ARHGAP35: variants seen among roughly 807,000 people sequenced by gnomAD.
ARHGAP35 encodes rho GTPase-activating protein 35.
In ARHGAP35, 15 loss-of-function variants were observed where a neutral mutation model predicts 111.1. The observed-to-expected ratio is 0.13, with a 90% CI of 0.09 to 0.21. The LOEUF is 0.21. Ranked by LOEUF, ARHGAP35 falls within the 10% of genes least tolerant of loss-of-function variation. The pLI, the probability that ARHGAP35 is intolerant of heterozygous loss-of-function variation, is 1.00. For missense variants in ARHGAP35, 1,262 were observed against 1,873.0 expected (o/e 0.67, Z 6.02); for synonymous variants, 643 against 710.3 (o/e 0.91, Z 1.51).
At chr19:46,872,406 G>C (rs2122121796) in intron 1 of ARHGAP35, among the ~76,000 whole-genome samples, 1 of 151,268 alleles carries the variant, frequency 6.6e-6, no homozygotes, top group Non-Finnish European at 1.5e-5. Context: ...TCTGATTCAG[G>C]GAAAAAAAGA....
intron 1 of ARHGAP35, among the ~76,000 whole-genome samples, chr19:46,915,904 T>C (rs1397215830): frequency 6.6e-6 from 1 of 151,564 alleles, no homozygotes; most frequent in Non-Finnish European, 1.5e-5. Flanking sequence ...TGGTTCCCCA[T>C]AGCCTTCAGG....
chr19:46,944,163 G>A (rs937345541), intron 3 of ARHGAP35, among the ~76,000 whole-genome samples: 62 of 151,976 alleles, frequency 4.1e-4, no homozygotes, highest in Non-Finnish European at 4.6e-4. Flanking sequence ...AGCCATACAT[G>A]ATGGTCCATG....
At position 46,922,501 on chromosome 19, in the gene ARHGAP35, G is replaced by T; in HGVS notation, c.3681+145G>T. The T allele has an allele frequency of 1.3e-6, 1 of 746,940 alleles. No individual in the cohort carries two copies. 46.3% of individuals were successfully genotyped at this position (746,940 alleles called of 1,614,324 possible). A position where few individuals can be genotyped will look rare whatever the true frequency, so the allele number is the denominator to read the frequency against. On this transcript the variant is annotated intron_variant, in intron 2 of 6. Coordinates refer to ENST00000672722, the MANE Select transcript of ARHGAP35 (RefSeq NM_004491.5). This position sits in a 1 kb window ranked among gnomAD's most constrained non-coding sequence, Gnocchi z 4.0. ...ATTTGACTTAACATAAAAAAGCAGT[G>T]CCTCAATTAGCTACCATTATTGGCA...
intron 1 of ARHGAP35, among the ~76,000 whole-genome samples, chr19:46,883,200 T>C (rs569927915): frequency 2.0e-5 from 3 of 152,038 alleles, no homozygotes; most frequent in Non-Finnish European, 2.9e-5. Context: ...GTTCAAGCGA[T>C]CCTCCTGCCT....
rs574092629 is a variant in ARHGAP35, at chr19:46,920,763, C to T, written c.2088C>T (p.Leu696=). The T allele has an allele frequency of 2.1e-5, 34 of 1,609,280 alleles. No homozygotes were observed. The Middle Eastern group carries it at 6.6e-4, about 31-fold the overall frequency. ...LGRRDNHLVH[L]PLTLILVNKR... Reference sequence around the variant, plus strand: ...GGCGGGATAATCATTTAGTCCATCTCCCCCTTACATTAATTTTGGTTAACA... The same window carrying T: ...GGCGGGATAATCATTTAGTCCATCTTCCCCTTACATTAATTTTGGTTAACA... The change falls in exon 2 of 7, where the codon CTC becomes CTT. Residue 696 remains leucine, a synonymous_variant. Coordinates refer to ENST00000672722, the MANE Select transcript of ARHGAP35 (RefSeq NM_004491.5). This position sits in a 1 kb window ranked among gnomAD's most constrained non-coding sequence, Gnocchi z 7.0.
intron 3 of ARHGAP35, chr19:46,947,396 A>G (rs1283058244): frequency 2.0e-5 from 3 of 152,200 alleles, no homozygotes; most frequent in Admixed American, 6.5e-5. Flanking sequence ...ATATGGAGCA[A>G]TTAGAATCCT....
chr19:46,888,075 C>G (rs1599799825), intron 1 of ARHGAP35, among the ~76,000 whole-genome samples: 2 of 150,362 alleles, frequency 1.3e-5, no homozygotes, highest in Non-Finnish European at 3.0e-5. Context: ...CCTCAGCCTC[C>G]TGAGTAGCTG....
chr19:46,960,780 T>A (rs918535939), intron 3 of ARHGAP35, among the ~76,000 whole-genome samples: 1 of 152,222 alleles, frequency 6.6e-6, no homozygotes, highest in African/African-American at 2.4e-5. Context: ...CCATGCTGAA[T>A]GTGCTGTTCT....
intron 1 of ARHGAP35, among the ~76,000 whole-genome samples, chr19:46,912,529 ATT>A: frequency 6.7e-6 from 1 of 149,828 alleles, no homozygotes; most frequent in East Asian, 2.0e-4. Context: ...AATTTTTTGT[ATT>A]TTTTTTAGTA....
chr19:46,952,969 C>G (rs1330435244), intron 3 of ARHGAP35, among the ~76,000 whole-genome samples: 1 of 152,210 alleles, frequency 6.6e-6, no homozygotes, highest in East Asian at 1.9e-4. Context: ...CATGAGCCAC[C>G]ATGCCTGGCC....
At position 47,001,405 on chromosome 19, in the gene ARHGAP35, T is replaced by A. The variant is rs2056747841; in HGVS notation, c.*717T>A. 7.8e-7 allele frequency: 1 copy of A among 1,286,032 alleles called. No individual in the cohort carries two copies. Among genetic ancestry groups the A allele is most frequent in the East Asian group, 5.6e-5 (1 of 18,010 alleles). 79.7% of individuals were successfully genotyped at this position (1,286,032 alleles called of 1,614,324 possible). On this transcript the variant is annotated 3_prime_UTR_variant, in exon 7 of 7. Transcript: ENST00000672722. The surrounding 1 kb of genome is among the most constrained non-coding windows in gnomAD (Gnocchi z 5.4). ...AAAAATGGAAAAACCCTTCCAGTAATTAAAAAGGAAGAAACCACAGAAAGA... is the reference window on the plus strand; with the variant it reads ...AAAAATGGAAAAACCCTTCCAGTAAATAAAAAGGAAGAAACCACAGAAAGA...
chr19:46,940,152 G>T (rs1039821133), intron 3 of ARHGAP35, among the ~76,000 whole-genome samples: 1 of 151,958 alleles, frequency 6.6e-6, no homozygotes, highest in Non-Finnish European at 1.5e-5. Flanking sequence ...GGAAGATCAG[G>T]AATTCGATAC....
In ARHGAP35 at chr19:46,926,934, C is replaced by G. The variant is rs2056241943; in HGVS notation, c.3681+4578C>G. 6.6e-6 allele frequency among the ~76,000 whole-genome samples: 1 copy of G among 152,134 alleles called. No homozygotes were observed. The highest frequency in any genetic ancestry group is 1.5e-5 in the Non-Finnish European group (1 of 68,026). On this transcript the variant is annotated intron_variant, in intron 2 of 6. Transcript: ENST00000672722. This position sits in a 1 kb window ranked among gnomAD's most constrained non-coding sequence, Gnocchi z 4.1. Reference sequence around the variant, plus strand: ...GCTGGGGAATTGGACTGCTTGCTCCCCTGGGAGGGATGTTGAGTTTTGACA... The same window carrying G: ...GCTGGGGAATTGGACTGCTTGCTCCGCTGGGAGGGATGTTGAGTTTTGACA...
intron 1 of ARHGAP35, among the ~76,000 whole-genome samples, chr19:46,913,405 C>G (rs2056148220): frequency 6.6e-6 from 1 of 151,798 alleles, no homozygotes; most frequent in Non-Finnish European, 1.5e-5. Context: ...AAAATGTGTG[C>G]TATCTTGGGA....
At position 46,938,035 on chromosome 19, in the gene ARHGAP35, A is replaced by G. The variant is rs1599833562; in HGVS notation, c.3826+627A>G. Among the ~76,000 whole-genome samples, 8 of 152,252 alleles carry G rather than the reference A, an allele frequency of 5.3e-5. No individual in the cohort carries two copies. In the South Asian group the frequency reaches 1.7e-3, roughly 32 times the overall value. ...ATTAAGTTTTACTTGTGTTGAAACC[A>G]TTTGCTTTATTCATTTGAGCTCTCA... On this transcript the variant is annotated intron_variant, in intron 3 of 6. Coordinates refer to ENST00000672722, the MANE Select transcript of ARHGAP35 (RefSeq NM_004491.5).
chr19:46,915,927 CTCTTT>C (rs2056159787), intron 1 of ARHGAP35, among the ~76,000 whole-genome samples: 1 of 144,314 alleles, frequency 6.9e-6, no homozygotes, highest in Non-Finnish European at 1.5e-5. Context: ...GGAATCCAAA[CTCTTT>C]TTTTTTTTTT....
At chr19:46,916,224 G>T (rs1410004708) in intron 1 of ARHGAP35, among the ~76,000 whole-genome samples, 1 of 151,998 alleles carries the variant, frequency 6.6e-6, no homozygotes, top group Non-Finnish European at 1.5e-5. Flanking sequence ...GTGAGCCACC[G>T]CGCCCAGCGA....
At chr19:46,902,936 T>C (rs1277021208) in intron 1 of ARHGAP35, among the ~76,000 whole-genome samples, 2 of 152,208 alleles carry the variant, frequency 1.3e-5, no homozygotes, top group Non-Finnish European at 2.9e-5. Context: ...ACTAAAGGGT[T>C]GGTGTGTATG....
At chr19:46,973,838 C>T (rs778242000) in intron 3 of ARHGAP35, among the ~76,000 whole-genome samples, 6 of 152,022 alleles carry the variant, frequency 3.9e-5, no homozygotes, top group Non-Finnish European at 7.4e-5. Context: ...CCCATCTCTA[C>T]TAAAAATACA....
Sources: allele counts gnomAD v4.1 joint callset (sites outside exome capture counted in the v4.1 genomes callset), GRCh38; gene constraint gnomAD v4.1.1; non-coding constraint Gnocchi (gnomAD v3.1); transcripts MANE v1.5; gene names NCBI Gene and HGNC (gene_info 2026-07-23, HGNC 2026-07-21).